The following ANKDD1B variants were observed in gnomAD, a reference collection of about 807,000 sequenced individuals.
ANKDD1B encodes the protein ankyrin repeat and death domain-containing protein 1B.
Under a neutral mutation model 59.7 loss-of-function variants are expected in ANKDD1B, and 57 were observed. The observed-to-expected ratio is 0.95, with a 90% CI of 0.77 to 1.19. The LOEUF (loss-of-function observed/expected upper bound fraction) is 1.19, where lower values mean the gene tolerates loss of function less well. ANKDD1B is among the 50% of genes most tolerant of loss of function. The pLI is 0.00. For missense variants in ANKDD1B, 602 were observed against 641.9 expected, an observed-to-expected ratio of 0.94 and a Z score of 0.67; for synonymous variants, 216 against 239.5, an observed-to-expected ratio of 0.90 and a Z score of 0.91.
At chr5:75,650,232 G>A (rs1774793411) in intron 7 of ANKDD1B, among the ~76,000 whole-genome samples, 1 of 152,208 alleles carries the variant, frequency 6.6e-6, no homozygotes, top group African/African-American at 2.4e-5. Flanking sequence ...ATCTTAAAAT[G>A]AGATTCTCCT....
chr5:75,662,721 T>C (rs904212544), intron 10 of ANKDD1B, among the ~76,000 whole-genome samples: 2 of 152,066 alleles, frequency 1.3e-5, no homozygotes, highest in Non-Finnish European at 2.9e-5. Context: ...TCGTCTAAGT[T>C]ACCATGTGGG....
intron 9 of ANKDD1B, among the ~76,000 whole-genome samples, chr5:75,658,948 T>TC (rs1775045262): frequency 6.6e-6 from 1 of 152,168 alleles, no homozygotes; most frequent in Non-Finnish European, 1.5e-5. Flanking sequence ...TCCCATTCCC[T>TC]CCTCCAGCTC....
chr5:75,649,352 A>G (rs1774759281), intron 7 of ANKDD1B, among the ~76,000 whole-genome samples: 1 of 146,290 alleles, frequency 6.8e-6, no homozygotes, highest in South Asian at 2.1e-4. Flanking sequence ...GCAACCTACA[A>G]ATTGTTTATA....
In ANKDD1B at chr5:75,625,841, T is replaced by TTC. The variant is rs1261395090; in HGVS notation, c.496-6_496-5dup. On this transcript the variant is annotated splice_polypyrimidine_tract_variant and intron_variant, in intron 4 of 13. Coordinates refer to ENST00000601380, the MANE Select transcript of ANKDD1B (RefSeq NM_001276713.2). ...CACTGTCTATCTCCCCCACCCCTGG[T>TTC]TCTCTTCAGGATGGAATGAGCGCCC... 2 of 1,534,972 alleles carry TTC rather than the reference T, an allele frequency of 1.3e-6. No homozygotes were observed. Among genetic ancestry groups the TTC allele is most frequent in the South Asian group, 2.4e-5 (2 of 84,032 alleles).
intron 11 of ANKDD1B, among the ~76,000 whole-genome samples, chr5:75,665,439 G>C (rs1425345434): frequency 6.6e-6 from 1 of 152,192 alleles, no homozygotes; most frequent in East Asian, 1.9e-4. Flanking sequence ...TGTTTCAGGA[G>C]ATGGAATGAG....
intron 11 of ANKDD1B, among the ~76,000 whole-genome samples, chr5:75,666,590 C>T (rs1775310692): frequency 6.7e-6 from 1 of 150,108 alleles, no homozygotes; most frequent in Non-Finnish European, 1.5e-5. Flanking sequence ...ACAGACGGTA[C>T]CCAAGCTTTT....
Position 75,640,628 on chromosome 5 carries a change from G to A in ANKDD1B, c.798+4746G>A, listed in dbSNP as rs78018749. ...GGAATGGAGAAACACCATTCTTTCT[G>A]AGTGTTGAAGGAGGTCATGAAGAGT... On this transcript the variant is annotated intron_variant, in intron 7 of 13. Coordinates refer to ENST00000601380, the MANE Select transcript of ANKDD1B (RefSeq NM_001276713.2). Among the ~76,000 whole-genome samples the A allele has an allele frequency of 1.1e-3, 168 of 152,322 alleles. 1 individual carries two copies. The East Asian group carries it at 0.028, about 26-fold the overall frequency.
intron 7 of ANKDD1B, among the ~76,000 whole-genome samples, chr5:75,639,840 A>G (rs1417877823): frequency 6.6e-6 from 1 of 152,172 alleles, no homozygotes; most frequent in South Asian, 2.1e-4. Flanking sequence ...TTTGGCCTGA[A>G]TTAAACTCTT....
At chr5:75,638,136 T>C (rs1039072986) in intron 7 of ANKDD1B, among the ~76,000 whole-genome samples, 5 of 152,238 alleles carry the variant, frequency 3.3e-5, no homozygotes, top group African/African-American at 1.2e-4. Context: ...TCACAGGATT[T>C]ATAGTCTTAG....
intron 9 of ANKDD1B, 107 bp downstream of exon 9, chr5:75,656,234 AG>A (rs951059974): frequency 2.6e-5 from 14 of 542,458 alleles, no homozygotes; most frequent in Non-Finnish European, 4.5e-5. Context: ...AATTCCTGGG[AG>A]GAACATGAGC....
Position 75,620,361 on chromosome 5 carries a change from C to G in ANKDD1B, c.344C>G (p.Ser115Cys). 6.5e-7 allele frequency: 1 copy of G among 1,535,396 alleles called. No individual in the cohort carries two copies. The change falls in exon 3 of 14, where the codon TCT becomes TGT. Residue 115 changes from serine (S) to cysteine (C), a missense_variant. Ser to Cys is a moderately radical substitution (Grantham distance 112). Transcript: ENST00000601380. The part of the protein sequence containing the change: ...LHFAVGRNHL[S>C]AVDFLLKHKA... ...TTTGCAGTGGGGAGAAATCATTTATCTGCAGTGGATTTCTTGCTTAAACAC... is the reference window on the plus strand; with the variant it reads ...TTTGCAGTGGGGAGAAATCATTTATGTGCAGTGGATTTCTTGCTTAAACAC...
chr5:75,639,917 G>T (rs1241364946), intron 7 of ANKDD1B, among the ~76,000 whole-genome samples: 1 of 151,948 alleles, frequency 6.6e-6, no homozygotes, highest in African/African-American at 2.4e-5. Flanking sequence ...TTTAATTAAT[G>T]TTATTTTTTA....
At chr5:75,648,218 A>T (rs1199115095) in intron 7 of ANKDD1B, among the ~76,000 whole-genome samples, 2 of 121,108 alleles carry the variant, frequency 1.7e-5, no homozygotes, top group Admixed American at 8.5e-5. Context: ...TAACCTGCAC[A>T]ATGTGCACAT....
intron 5 of ANKDD1B, among the ~76,000 whole-genome samples, chr5:75,627,938 A>G (rs148023301): frequency 2.0e-5 from 3 of 152,134 alleles, no homozygotes; most frequent in African/African-American, 7.2e-5. Context: ...TTCCTCCTCT[A>G]TCTGTTGGGA....
chr5:75,616,958 A>G (rs1581127647), intron 2 of ANKDD1B, 51 bp downstream of exon 2: 2 of 789,280 alleles, frequency 2.5e-6, no homozygotes, highest in Middle Eastern at 2.4e-4. Flanking sequence ...AATGGCTTGG[A>G]TTTACACAGG....
intron 7 of ANKDD1B, among the ~76,000 whole-genome samples, chr5:75,649,911 A>C (rs1374722655): frequency 6.6e-6 from 1 of 152,236 alleles, no homozygotes; most frequent in African/African-American, 2.4e-5. Flanking sequence ...AATGTCTGAG[A>C]TCTCGTCAGT....
At chr5:75,644,106 A>G (rs1170684063) in intron 7 of ANKDD1B, among the ~76,000 whole-genome samples, 2 of 109,394 alleles carry the variant, frequency 1.8e-5, no homozygotes, top group Non-Finnish European at 3.3e-5. Flanking sequence ...AGCGCTAAAC[A>G]TGGAAAGGAA....
chr5:75,651,017 C>A (rs1423760449), intron 7 of ANKDD1B, among the ~76,000 whole-genome samples: 5 of 152,214 alleles, frequency 3.3e-5, no homozygotes, highest in Non-Finnish European at 5.9e-5. Context: ...TGGGAACTGG[C>A]CTCTAAGAGG....
chr5:75,614,703 C>T (rs1037548047), intron 1 of ANKDD1B, among the ~76,000 whole-genome samples: 3 of 152,184 alleles, frequency 2.0e-5, no homozygotes, highest in African/African-American at 7.2e-5. Flanking sequence ...ATTGGATACA[C>T]CTCAACTATC....
Sources: gnomAD v4.1 joint callset for allele counts (sites outside exome capture counted in the v4.1 genomes callset) on GRCh38, gnomAD v4.1.1 for gene constraint, MANE v1.5 for transcripts, NCBI Gene and HGNC (gene_info 2026-07-23, HGNC 2026-07-21) for gene names.